Variants in GSE1 observed in about 807,000 individuals in gnomAD.
GSE1 encodes genetic suppressor element 1.
GSE1 carries 32 observed loss-of-function variants against 112.6 expected under a neutral mutation model. The observed-to-expected ratio is 0.28, with a 90% CI of 0.21 to 0.38. The LOEUF (loss-of-function observed/expected upper bound fraction) is 0.38, where lower values mean the gene tolerates loss of function less well. Among genes scored for constraint, GSE1 ranks in the 10% least tolerant of loss-of-function variants. The pLI, the probability that GSE1 is intolerant of heterozygous loss-of-function variation, is 1.00. For synonymous variants in GSE1, 1,115 were observed against 735.6 expected, an observed-to-expected ratio of 1.52 and a Z score of -8.35; for missense variants, 2,348 against 1,699.2, an observed-to-expected ratio of 1.38 and a Z score of -6.71.
rs7187846 is a variant in GSE1 at position 85,322,177 on chromosome 16, C to T, written c.2284-35286C>T. On this transcript the variant is annotated intron_variant, in intron 1 of 2. Transcript: ENST00000637419. ...TTTCCAAGTTCAACATTCTGCCTTG[C>T]CAGCGGCTAGCTCAGTGTCACATGG... Among the ~76,000 whole-genome samples, 1,456 of 152,324 alleles carry T rather than the reference C, an allele frequency of 9.6e-3. 25 individuals are homozygous for T. The highest frequency in any genetic ancestry group is 0.034 in the African/African-American group (1,395 of 41,578).
chr16:85,195,222 C>T (rs943638644), intron 1 of GSE1, among the ~76,000 whole-genome samples: 1 of 152,170 alleles, frequency 6.6e-6, no homozygotes, highest in Non-Finnish European at 1.5e-5. Context: ...GAGCTCCATT[C>T]ACTGGGGCGG....
chr16:85,387,518 A>G (rs2151635565), intron 2 of GSE1, among the ~76,000 whole-genome samples: 1 of 152,260 alleles, frequency 6.6e-6, no homozygotes, highest in South Asian at 2.1e-4. Flanking sequence ...GGCCTCACTC[A>G]AATGTCACCT....
At chr16:85,260,161 CTG>C (rs1324539217) in intron 1 of GSE1, among the ~76,000 whole-genome samples, 1 of 152,198 alleles carries the variant, frequency 6.6e-6, no homozygotes, top group African/African-American at 2.4e-5. Context: ...CGCTTCCAGA[CTG>C]GGGCTCACGG....
chr16:85,170,266 C>T, exon 1 of GSE1: 1 of 985,712 alleles, frequency 1.0e-6, no homozygotes, highest in African/African-American at 1.7e-5. Flanking sequence ...GGATGGGGAG[C>T]CCAAGTCCGG....
intron 1 of GSE1, among the ~76,000 whole-genome samples, chr16:85,241,910 T>C (rs1390453409): frequency 1.3e-5 from 2 of 152,002 alleles, no homozygotes; most frequent in African/African-American, 4.8e-5. Context: ...CTGTCCTCCC[T>C]TCATGGTGGC....
intron 2 of GSE1, among the ~76,000 whole-genome samples, chr16:85,392,180 T>C (rs900875797): frequency 6.6e-6 from 1 of 151,950 alleles, no homozygotes; most frequent in African/African-American, 2.4e-5. Context: ...ATGAAGGCAA[T>C]ATAAATAATG....
chr16:85,276,445 C>A (rs1379691120), intron 1 of GSE1, among the ~76,000 whole-genome samples: 2 of 152,184 alleles, frequency 1.3e-5, no homozygotes, highest in East Asian at 3.8e-4. Context: ...TTCTGAGCAC[C>A]GCCTGTGTAC....
chr16:85,475,936 CGTT>C (rs754453785), intron 2 of GSE1, among the ~76,000 whole-genome samples: 3 of 151,812 alleles, frequency 2.0e-5, no homozygotes, highest in Non-Finnish European at 4.4e-5. Context: ...TCTTTATTAT[CGTT>C]GTTATTATTG....
intron 8 of GSE1, among the ~76,000 whole-genome samples, chr16:85,660,878 C>T (rs930095444): frequency 5.3e-5 from 8 of 152,134 alleles, no homozygotes; most frequent in Non-Finnish European, 1.2e-4. Flanking sequence ...GATCCACCCT[C>T]CTCGGCCTCC....
Position 85,419,138 on chromosome 16 carries a change from G to A in GSE1, c.2464+61495G>A, listed in dbSNP as rs536406779. ...GAGACTGGGGAGACACCTTGGGAGT[G>A]AGTGACGTGATGGGAGCCCAGGCAC... On this transcript the variant is annotated intron_variant, in intron 2 of 2. Coordinates refer to the GSE1 transcript ENST00000637419. This position sits in a 1 kb window ranked among gnomAD's most constrained non-coding sequence, Gnocchi z 6.5. 1.3e-5 allele frequency among the ~76,000 whole-genome samples: 2 copies of A among 152,298 alleles called. No individual in the cohort carries two copies. The highest frequency in any genetic ancestry group is 6.5e-5 in the Admixed American group (1 of 15,300).
intron 1 of GSE1, among the ~76,000 whole-genome samples, chr16:85,566,143 A>G (rs1368868596): frequency 6.6e-6 from 1 of 152,166 alleles, no homozygotes; most frequent in Non-Finnish European, 1.5e-5. Flanking sequence ...CTGAGCTGCA[A>G]TTACCATTTG....
At chr16:85,534,490 G>A (rs2044255761) in intron 2 of GSE1, among the ~76,000 whole-genome samples, 1 of 152,112 alleles carries the variant, frequency 6.6e-6, no homozygotes, top group Admixed American at 6.5e-5. Context: ...GTACCTTTTT[G>A]TGACTGGCTC....
intron 2 of GSE1, among the ~76,000 whole-genome samples, chr16:85,513,576 C>G (rs1013856108): frequency 1.3e-5 from 2 of 152,192 alleles, no homozygotes; most frequent in African/African-American, 2.4e-5. Context: ...TTCACTGGGC[C>G]AGCCCCTTCT....
intron 1 of GSE1, among the ~76,000 whole-genome samples, chr16:85,348,234 T>C (rs903686765): frequency 6.6e-6 from 1 of 151,880 alleles, no homozygotes; most frequent in African/African-American, 2.4e-5. Context: ...CATCCACCTG[T>C]CCATCATCCA....
intron 1 of GSE1, chr16:85,583,528 AACACACAC>A (rs111647991): frequency 1.4e-5 from 2 of 147,996 alleles, no homozygotes; most frequent in Non-Finnish European, 3.0e-5. Context: ...CACACACACA[AACACACAC>A]ACACACACGC....
chr16:85,483,955 C>G (rs1024940996), intron 2 of GSE1, among the ~76,000 whole-genome samples: 2 of 152,186 alleles, frequency 1.3e-5, no homozygotes, highest in African/African-American at 4.8e-5. Flanking sequence ...ACTTTCAGAC[C>G]TAAGCGTTGG....
chr16:85,323,528 G>C (rs778071801), intron 1 of GSE1, among the ~76,000 whole-genome samples: 23 of 152,184 alleles, frequency 1.5e-4, no homozygotes, highest in Admixed American at 5.2e-4. Context: ...CGAGTTGCCA[G>C]GTGGATGGCA....
intron 2 of GSE1, among the ~76,000 whole-genome samples, chr16:85,389,192 G>A (rs1188552255): frequency 1.3e-5 from 2 of 152,138 alleles, no homozygotes; most frequent in African/African-American, 2.4e-5. Flanking sequence ...CGGGGCAGTG[G>A]CTCATGCCTG....
chr16:85,248,352 G>T (rs1042236066), intron 1 of GSE1, among the ~76,000 whole-genome samples: 2 of 152,036 alleles, frequency 1.3e-5, no homozygotes, highest in Non-Finnish European at 2.9e-5. Context: ...CAGTAGCTCT[G>T]TCTTTCTCTC....
Sources: allele counts gnomAD v4.1 joint callset (sites outside exome capture counted in the v4.1 genomes callset), GRCh38; gene constraint gnomAD v4.1.1; non-coding constraint Gnocchi (gnomAD v3.1); transcripts MANE v1.5; gene names NCBI Gene and HGNC (gene_info 2026-07-23, HGNC 2026-07-21).